FANK1: variants seen among roughly 807,000 people sequenced by gnomAD.
FANK1 encodes the protein fibronectin type 3 and ankyrin repeat domains protein 1.
Under a neutral mutation model 45.3 loss-of-function variants are expected in FANK1, and 44 were observed. The observed-to-expected ratio is 0.97, with a 90% confidence interval of 0.76 to 1.25. FANK1 has a LOEUF of 1.25. Ranked by LOEUF, FANK1 falls within the 50% of genes most tolerant of loss-of-function variation. The probability of loss-of-function intolerance (pLI) is 0.00; values close to 1 mark genes in which losing one functional copy is unlikely to be tolerated. For missense variants in FANK1, 391 were observed against 424.4 expected (o/e 0.92, Z 0.69); for synonymous variants, 149 against 152.5 (o/e 0.98, Z 0.17).
chr10:125,970,707 G>A lies in FANK1; in HGVS notation c.14-9454G>A, dbSNP rs185377962. 7.6e-3 allele frequency among the ~76,000 whole-genome samples: 1,154 copies of A among 152,282 alleles called. 8 individuals carry two copies. The highest frequency in any genetic ancestry group is 0.017 in the Middle Eastern group (5 of 294). On this transcript the variant is annotated intron_variant, in intron 1 of 10. Coordinates refer to ENST00000368693, the MANE Select transcript of FANK1 (RefSeq NM_145235.5). The stretch of plus-strand genomic sequence containing the variant: ...CGCGCGCCTGCAATCCCAGGCACTC[G>A]GCAGGCTGAGGCAGGAGAATCAGGC...
intron 1 of FANK1, among the ~76,000 whole-genome samples, chr10:125,950,493 G>A (rs1379620619): frequency 2.0e-5 from 3 of 152,098 alleles, no homozygotes; most frequent in East Asian, 3.9e-4. Flanking sequence ...AGACATTTAT[G>A]CAGCCAAAAA....
At chr10:125,910,437 C>T (rs2134113972) in intron 1 of FANK1, among the ~76,000 whole-genome samples, 1 of 152,160 alleles carries the variant, frequency 6.6e-6, no homozygotes, top group South Asian at 2.1e-4. Flanking sequence ...GCAATGCCAC[C>T]ACCCTCTTCC....
intron 1 of FANK1, among the ~76,000 whole-genome samples, chr10:125,932,309 A>G (rs986646546): frequency 6.6e-6 from 1 of 152,104 alleles, no homozygotes; most frequent in Non-Finnish European, 1.5e-5. Context: ...TCATTTTCAC[A>G]ATATTGATCG....
intron 1 of FANK1, among the ~76,000 whole-genome samples, chr10:125,927,593 A>C (rs1259211647): frequency 6.6e-6 from 1 of 151,508 alleles, no homozygotes; most frequent in Non-Finnish European, 1.5e-5. Flanking sequence ...CTTGTCGCCC[A>C]AGCTGGAGTG....
rs565891695 is a variant in FANK1, at chr10:125,921,623, C to G, written c.13+24968C>G. Among the ~76,000 whole-genome samples the G allele has an allele frequency of 1.3e-3, 202 of 152,258 alleles. 1 individual carries two copies. The highest frequency in any genetic ancestry group is 4.7e-3 in the African/African-American group (194 of 41,548). On this transcript the variant is annotated intron_variant, in intron 1 of 10. Coordinates refer to ENST00000368693, the MANE Select transcript of FANK1 (RefSeq NM_145235.5). ...TGTCTTCCAAAGTGCTGTGCCACTT[C>G]TGTTTCTTTAATAAATACAGGGGTA...
At chr10:125,982,397 G>A (rs758194882) in intron 2 of FANK1, among the ~76,000 whole-genome samples, 4 of 152,220 alleles carry the variant, frequency 2.6e-5, no homozygotes, top group Non-Finnish European at 5.9e-5. Flanking sequence ...TCACTCTGAC[G>A]ACAGCCTGGC....
chr10:125,937,236 G>A (rs750732774), intron 1 of FANK1, among the ~76,000 whole-genome samples: 2 of 152,150 alleles, frequency 1.3e-5, no homozygotes, highest in African/African-American at 2.4e-5. Context: ...GTTCAAGGTC[G>A]TGACTTATAA....
At chr10:125,907,747 G>T (rs1304151698) in intron 1 of FANK1, among the ~76,000 whole-genome samples, 1 of 152,148 alleles carries the variant, frequency 6.6e-6, no homozygotes, top group Non-Finnish European at 1.5e-5. Context: ...ACCATATTGA[G>T]AAAGCCCAAC....
intron 1 of FANK1, among the ~76,000 whole-genome samples, chr10:125,924,854 G>T (rs61870903): frequency 1.0e-3 from 154 of 147,580 alleles, no homozygotes; most frequent in Non-Finnish European, 1.2e-3. Context: ...CTTATGAATG[G>T]ATTTAATTAT....
chr10:126,004,640 A>G lies in FANK1; in HGVS notation c.540-244A>G, dbSNP rs750413784. 8.8e-5 allele frequency: 39 copies of G among 441,808 alleles called. 1 individual carries two copies. The highest frequency in any genetic ancestry group is 1.3e-4 in the Non-Finnish European group (31 of 240,984). 27.4% of individuals were successfully genotyped at this position (441,808 alleles called of 1,614,324 possible). A position where few individuals can be genotyped will look rare whatever the true frequency, so the allele number is the denominator to read the frequency against. On this transcript the variant is annotated intron_variant, in intron 6 of 10. Transcript: ENST00000368693. ...CAATATGTGGCCTTTCATGGCTGGCATCTTTCAGCACAGTGTTTCGAGGTT... is the reference window on the plus strand; with the variant it reads ...CAATATGTGGCCTTTCATGGCTGGCGTCTTTCAGCACAGTGTTTCGAGGTT...
intron 1 of FANK1, among the ~76,000 whole-genome samples, chr10:125,922,469 C>A (rs918465129): frequency 6.6e-6 from 1 of 152,180 alleles, no homozygotes; most frequent in Non-Finnish European, 1.5e-5. Flanking sequence ...AATGACAGGC[C>A]GTAGCATACA....
rs573713592 is a variant in FANK1 at position 125,997,277 on chromosome 10, A to T, written c.474-143A>T. On this transcript the variant is annotated intron_variant, in intron 5 of 10. Coordinates refer to ENST00000368693, the MANE Select transcript of FANK1 (RefSeq NM_145235.5). ...TTCTGGTTTAATGGTGCCTGGTTTTAAAACCAGCTGGCTTCTGAAGGTGCA... is the reference window on the plus strand; with the variant it reads ...TTCTGGTTTAATGGTGCCTGGTTTTTAAACCAGCTGGCTTCTGAAGGTGCA... The T allele has an allele frequency of 7.0e-5, 37 of 525,394 alleles. No individual in the cohort carries two copies. The South Asian group carries it at 1.6e-3, about 23-fold the overall frequency. The allele number at this position is 525,394 out of a possible 1,614,324, so 32.5% of individuals were successfully genotyped here. A position where few individuals can be genotyped will look rare whatever the true frequency, so the allele number is the denominator to read the frequency against.
chr10:125,931,665 T>C (rs941178116), intron 1 of FANK1, among the ~76,000 whole-genome samples: 1 of 151,760 alleles, frequency 6.6e-6, no homozygotes, highest in Non-Finnish European at 1.5e-5. Flanking sequence ...GGGTTGTCTA[T>C]TTACTCTGCT....
intron 3 of FANK1, chr10:125,989,568 G>T (rs1392308223): frequency 1.4e-6 from 1 of 705,286 alleles, no homozygotes; most frequent in Non-Finnish European, 2.6e-6. Context: ...GGTACCTTCA[G>T]TTGCAGACCT....
At position 126,008,560 on chromosome 10, in the gene FANK1, C is replaced by T. The variant is rs750612589; in HGVS notation, c.849+10C>T. On this transcript the variant is annotated intron_variant, in intron 8 of 10. Transcript: ENST00000368693. ...AAAGACGCCCCTTATGGTAGGTCCTCCTCCCGAAAATAGGCAGTTTTCTAC... is the reference window on the plus strand; with the variant it reads ...AAAGACGCCCCTTATGGTAGGTCCTTCTCCCGAAAATAGGCAGTTTTCTAC... The T allele has an allele frequency of 1.0e-5, 16 of 1,594,554 alleles. No homozygotes were observed. The highest frequency in any genetic ancestry group is 3.4e-5 in the South Asian group (3 of 87,618).
At chr10:125,903,412 C>T (rs58930472) in intron 1 of FANK1, among the ~76,000 whole-genome samples, 8 of 152,278 alleles carry the variant, frequency 5.3e-5, no homozygotes, top group Non-Finnish European at 8.8e-5. Context: ...TTCCTTTCTC[C>T]TAGAGGCAAA....
intron 6 of FANK1, among the ~76,000 whole-genome samples, chr10:126,003,681 T>TA (rs916957076): frequency 8.4e-4 from 128 of 151,958 alleles, no homozygotes; most frequent in African/African-American, 2.2e-3. Context: ...TTTATTTATT[T>TA]TTTTTATTTT....
chr10:125,960,642 T>G (rs955461020), intron 1 of FANK1, among the ~76,000 whole-genome samples: 1 of 152,238 alleles, frequency 6.6e-6, no homozygotes, highest in Non-Finnish European at 1.5e-5. Flanking sequence ...TTCTTCTGCC[T>G]CAGCCTCCAG....
chr10:125,958,661 C>G (rs1468584917), intron 1 of FANK1, among the ~76,000 whole-genome samples: 3 of 152,014 alleles, frequency 2.0e-5, no homozygotes, highest in Admixed American at 2.0e-4. Context: ...GTTATTTTGT[C>G]TTTTGATAAT....
Sources: gnomAD v4.1 joint callset for allele counts (sites outside exome capture counted in the v4.1 genomes callset) on GRCh38, gnomAD v4.1.1 for gene constraint, MANE v1.5 for transcripts, NCBI Gene and HGNC (gene_info 2026-07-23, HGNC 2026-07-21) for gene names.